The following CSPP1 variants were observed in gnomAD, a reference collection of about 807,000 sequenced individuals.
CSPP1 encodes centrosome and spindle pole associated protein 1.
In CSPP1, 126 loss-of-function variants were observed where a neutral mutation model predicts 164.4. That is an observed-to-expected ratio of 0.77 (90% CI 0.66 to 0.89). CSPP1 has a LOEUF of 0.89. CSPP1 is among the 40% of genes least tolerant of loss of function. CSPP1 has a pLI of 0.00. For missense variants in CSPP1, 1,395 were observed against 1,449.8 expected (o/e 0.96, Z 0.61); for synonymous variants, 472 against 476.7 (o/e 0.99, Z 0.13).
Position 67,118,820 on chromosome 8 carries a change from G to A in CSPP1, c.1696G>A (p.Val566Met), listed in dbSNP as rs746139866. 2 of 1,602,570 alleles carry A rather than the reference G, an allele frequency of 1.2e-6. No individual in the cohort carries two copies. The highest frequency in any genetic ancestry group is 2.7e-5 in the African/African-American group (2 of 74,792). ...PVTHQLAQPVVNTVGQNELKI... is the reference protein window; with the variant it reads ...PVTHQLAQPVMNTVGQNELKI... ...CACCCACCAACTAGCACAACCTGTTGTGTAAGTTATTAGTTAAAAGAATAA... is the reference window on the plus strand; with the variant it reads ...CACCCACCAACTAGCACAACCTGTTATGTAAGTTATTAGTTAAAAGAATAA... Residue 566 changes from valine to methionine, a missense_variant and splice_region_variant, in exon 15 of 31, where the codon GTG becomes ATG. Val to Met is a conservative substitution (Grantham distance 21). Transcript: ENST00000678616.
chr8:67,179,821 A>G (rs192022535), intron 27 of CSPP1, 42 bp from the exon 28 acceptor site: 6 of 1,405,684 alleles, frequency 4.3e-6, no homozygotes, highest in African/African-American at 2.8e-5. Context: ...GTTTTTGTAC[A>G]CAAAACTAAT....
At chr8:67,180,123 G>A (rs1211923546) in intron 28 of CSPP1, among the ~76,000 whole-genome samples, 197 bp downstream of exon 28, 5 of 151,962 alleles carry the variant, frequency 3.3e-5, no homozygotes, top group African/African-American at 1.2e-4. Flanking sequence ...AAAGTCTTAG[G>A]AATAGTTGAC....
intron 21 of CSPP1, among the ~76,000 whole-genome samples, chr8:67,161,134 G>A (rs1828261769): frequency 6.6e-6 from 1 of 152,002 alleles, no homozygotes; most frequent in Admixed American, 6.6e-5. Flanking sequence ...TTTAAAATAG[G>A]GATATCTAAA....
Position 67,096,959 on chromosome 8 carries a change from T to A in CSPP1, c.923+1227T>A, listed in dbSNP as rs144343290. On this transcript the variant is annotated intron_variant, in intron 7 of 30. Coordinates refer to ENST00000678616, the MANE Select transcript of CSPP1 (RefSeq NM_001382391.1). ...TACAATTTATTCCTGTAGTCATAAG[T>A]TTTTTCAGTCAGATTTTCAGATGGT... Among the ~76,000 whole-genome samples the A allele has an allele frequency of 6.1e-3, 929 of 152,288 alleles. 13 individuals carry two copies. The highest frequency in any genetic ancestry group is 0.021 in the African/African-American group (889 of 41,554).
intron 25 of CSPP1, chr8:67,174,540 A>T (rs572865036): frequency 6.6e-6 from 1 of 152,266 alleles, no homozygotes; most frequent in East Asian, 1.9e-4. Flanking sequence ...AGGCGTGTGG[A>T]TCACGAGGTC....
intron 13 of CSPP1, among the ~76,000 whole-genome samples, 172 bp downstream of exon 13, chr8:67,116,294 A>G (rs1314269819): frequency 6.6e-6 from 1 of 152,212 alleles, no homozygotes; most frequent in East Asian, 1.9e-4. Context: ...TTATAAAAAA[A>G]GGGAAATTCT....
chr8:67,072,882 A>AG (rs1449068762), intron 1 of CSPP1, among the ~76,000 whole-genome samples: 12 of 151,652 alleles, frequency 7.9e-5, no homozygotes, highest in African/African-American at 2.9e-4. Flanking sequence ...AAAAAAAAAA[A>AG]AAAAAAAAGA....
intron 19 of CSPP1, among the ~76,000 whole-genome samples, chr8:67,154,531 T>G (rs1404874453): frequency 1.3e-5 from 2 of 148,640 alleles, no homozygotes; most frequent in Non-Finnish European, 3.0e-5. Flanking sequence ...CACGCCCGGC[T>G]AATTTTTTGT....
intron 22 of CSPP1, among the ~76,000 whole-genome samples, chr8:67,162,656 G>A (rs1482325208): frequency 6.6e-6 from 1 of 152,186 alleles, no homozygotes; most frequent in Non-Finnish European, 1.5e-5. Flanking sequence ...GTGGAGATAA[G>A]TTTTGGAGGT....
chr8:67,147,567 C>T (rs959999800), intron 17 of CSPP1, among the ~76,000 whole-genome samples: 2 of 152,072 alleles, frequency 1.3e-5, no homozygotes. Context: ...CCCCACCACC[C>T]CATGCCACAT....
At chr8:67,148,401 C>T (rs1434385214) in intron 17 of CSPP1, among the ~76,000 whole-genome samples, 20 of 152,200 alleles carry the variant, frequency 1.3e-4, no homozygotes, top group Admixed American at 1.3e-3. Flanking sequence ...TCTAGCTGGA[C>T]TACTTTAATG....
chr8:67,090,325 C>G (rs1389177422), intron 4 of CSPP1, among the ~76,000 whole-genome samples: 3 of 152,128 alleles, frequency 2.0e-5, no homozygotes, highest in Non-Finnish European at 4.4e-5. Context: ...CACTCTGTCA[C>G]CCAGGCTAGA....
intron 17 of CSPP1, 39 bp downstream of exon 17, chr8:67,137,642 AATT>A (rs1225905620): frequency 7.3e-7 from 1 of 1,372,466 alleles, no homozygotes; most frequent in African/African-American, 1.5e-5. Flanking sequence ...AAATAAGCTA[AATT>A]ATTTTTAACT....
chr8:67,096,263 C>G (rs1025149647), intron 7 of CSPP1, among the ~76,000 whole-genome samples: 2 of 152,164 alleles, frequency 1.3e-5, no homozygotes, highest in Non-Finnish European at 2.9e-5. Context: ...ATTGGCTGTT[C>G]TGACTTCCAA....
chr8:67,064,501 GAGTC>G lies in CSPP1; in HGVS notation c.-45_-42del, dbSNP rs762530713. 18 of 1,613,490 alleles carry G rather than the reference GAGTC, an allele frequency of 1.1e-5. No individual in the cohort carries two copies. In the African/African-American group the frequency reaches 2.3e-4, roughly 20 times the overall value. ...GACGCGAGCCCGCTCCCCTGAGTAA[GAGTC>G]AGCCAGCCGCGGATGGGGAGCGTGA... On this transcript the variant is annotated 5_prime_UTR_variant, in exon 1 of 31. Coordinates refer to ENST00000678616, the MANE Select transcript of CSPP1 (RefSeq NM_001382391.1).
At chr8:67,125,965 T>A (rs573330229) in intron 15 of CSPP1, among the ~76,000 whole-genome samples, 1 of 152,310 alleles carries the variant, frequency 6.6e-6, no homozygotes, top group Non-Finnish European at 1.5e-5. Flanking sequence ...CCTGAGTAGC[T>A]GGGATTACAG....
At chr8:67,171,979 C>A (rs753466941) in intron 24 of CSPP1, among the ~76,000 whole-genome samples, 2 of 151,970 alleles carry the variant, frequency 1.3e-5, no homozygotes, top group Non-Finnish European at 2.9e-5. Context: ...TCCCGAGTAG[C>A]TGGGACTACA....
chr8:67,142,638 A>G (rs1414490311), intron 17 of CSPP1, among the ~76,000 whole-genome samples: 2 of 152,174 alleles, frequency 1.3e-5, no homozygotes, highest in African/African-American at 4.8e-5. Context: ...TCACTTACAG[A>G]TCTTTGTGTG....
intron 4 of CSPP1, among the ~76,000 whole-genome samples, chr8:67,090,195 T>C (rs1811322463): frequency 6.6e-6 from 1 of 152,204 alleles, no homozygotes; most frequent in South Asian, 2.1e-4. Flanking sequence ...TCTTATTTTT[T>C]CCTTGTCAGG....
Sources: allele counts gnomAD v4.1 joint callset (sites outside exome capture counted in the v4.1 genomes callset), GRCh38; gene constraint gnomAD v4.1.1; transcripts MANE v1.5; gene names NCBI Gene and HGNC (gene_info 2026-07-23, HGNC 2026-07-21).